The following OSBPL9 variants were observed in gnomAD, a reference collection of about 807,000 sequenced individuals.
The protein encoded by OSBPL9 is oxysterol-binding protein-related protein 9.
OSBPL9 carries 40 observed loss-of-function variants against 106.6 expected under a neutral mutation model. The observed-to-expected ratio is 0.38, with a 90% confidence interval of 0.29 to 0.49. The LOEUF is 0.49. Ranked by LOEUF, OSBPL9 falls within the 20% of genes least tolerant of loss-of-function variation. The probability of loss-of-function intolerance (pLI) is 0.97; values close to 1 mark genes in which losing one functional copy is unlikely to be tolerated. For synonymous variants in OSBPL9, 269 were observed against 295.4 expected, an observed-to-expected ratio of 0.91 and a Z score of 0.92; for missense variants, 609 against 887.2, an observed-to-expected ratio of 0.69 and a Z score of 3.98.
At chr1:51,524,600 G>A in the OSBPL9 span, among the ~76,000 whole-genome samples, 1 of 152,122 alleles carries the variant, frequency 6.6e-6, no homozygotes, top group Non-Finnish European at 1.5e-5. Context: ...CACAAAAATA[G>A]AAAATATTTT....
intron 2 of OSBPL9, among the ~76,000 whole-genome samples, chr1:51,665,424 A>G (rs1156679703): frequency 1.3e-5 from 2 of 152,222 alleles, no homozygotes; most frequent in Non-Finnish European, 2.9e-5. Context: ...GATTACAGGC[A>G]TGAGCCACTG....
chr1:51,543,053 G>C, the OSBPL9 span, among the ~76,000 whole-genome samples: 2 of 152,154 alleles, frequency 1.3e-5, no homozygotes, highest in Non-Finnish European at 1.5e-5. Flanking sequence ...GTGCCTATAA[G>C]AAACAGGATT....
At chr1:51,615,973 A>G (rs926472945), upstream of OSBPL9, among the ~76,000 whole-genome samples, 9 of 149,120 alleles carry the variant, frequency 6.0e-5, no homozygotes, top group Non-Finnish European at 1.3e-4. Context: ...AACAGTGCCT[A>G]GATATAGTAG....
chr1:51,617,336 G>T (rs567733374), intron 1 of OSBPL9, 115 bp downstream of exon 1: 4 of 1,023,734 alleles, frequency 3.9e-6, no homozygotes, highest in African/African-American at 1.6e-5. Flanking sequence ...GGGTGCCGCC[G>T]TACGCGAGGG....
At chr1:51,629,050 C>T (rs537565889) in intron 1 of OSBPL9, among the ~76,000 whole-genome samples, 3 of 152,210 alleles carry the variant, frequency 2.0e-5, no homozygotes, top group African/African-American at 7.2e-5. Context: ...GTTCTTGCCT[C>T]AGGGCCTCTG....
At chr1:51,746,421 A>T (rs1011926340) in intron 5 of OSBPL9, among the ~76,000 whole-genome samples, 2 of 152,244 alleles carry the variant, frequency 1.3e-5, no homozygotes, top group Non-Finnish European at 2.9e-5. Flanking sequence ...AAAGCAGAAA[A>T]AAAACTTCAA....
At chr1:51,525,602 G>T in the OSBPL9 span, among the ~76,000 whole-genome samples, 1 of 152,038 alleles carries the variant, frequency 6.6e-6, no homozygotes, top group Non-Finnish European at 1.5e-5. Context: ...AGTTCTGTCG[G>T]CTCGATCTCC....
rs571728910 is a variant in OSBPL9 at position 51,622,695 on chromosome 1, T to G, written c.111+5474T>G. Among the ~76,000 whole-genome samples the G allele has an allele frequency of 7.9e-5, 12 of 152,298 alleles. No homozygotes were observed. The South Asian group carries it at 2.5e-3, about 32-fold the overall frequency. ...CCAGGTAGCCTCTCCATTGAGCTGC[T>G]TAAGTGTCATCATGACAGAGCAGCT... On this transcript the variant is annotated intron_variant, in intron 1 of 23. Coordinates refer to ENST00000428468, the MANE Select transcript of OSBPL9 (RefSeq NM_024586.6).
At chr1:51,684,954 C>T (rs1653441968) in intron 3 of OSBPL9, among the ~76,000 whole-genome samples, 1 of 151,146 alleles carries the variant, frequency 6.6e-6, no homozygotes, top group Non-Finnish European at 1.5e-5. Context: ...CTCTGTCACC[C>T]AGGCTGGAAT....
In OSBPL9 at chr1:51,765,816, T is replaced by G; in HGVS notation, c.779-6T>G. 6.2e-7 allele frequency: 1 copy of G among 1,607,144 alleles called. No individual in the cohort carries two copies. Among genetic ancestry groups the G allele is most frequent in the Non-Finnish European group, 8.5e-7 (1 of 1,177,564 alleles). Reference sequence around the variant, plus strand: ...ATTTTTCTCTAAAACCCTTTTAACTTCCTAGGCAGTGGCCATTCACCACCG... The same window carrying G: ...ATTTTTCTCTAAAACCCTTTTAACTGCCTAGGCAGTGGCCATTCACCACCG... On this transcript the variant is annotated splice_polypyrimidine_tract_variant and splice_region_variant and intron_variant, in intron 11 of 23. Transcript: ENST00000428468.
At chr1:51,731,387 GTTGCGGTGAGCTATGA>G (rs1359002889) in intron 4 of OSBPL9, among the ~76,000 whole-genome samples, 2 of 152,082 alleles carry the variant, frequency 1.3e-5, no homozygotes, top group African/African-American at 4.8e-5. Flanking sequence ...GAAGTTTGAG[GTTGCGGTGAGCTATGA>G]TTGCACCGCT....
chr1:51,617,773 C>T (rs1308066455), intron 1 of OSBPL9, among the ~76,000 whole-genome samples: 1 of 152,282 alleles, frequency 6.6e-6, no homozygotes, highest in Non-Finnish European at 1.5e-5. Context: ...TTGTGTGTCT[C>T]ATTCAAGGGA....
chr1:51,560,642 C>A, the OSBPL9 span, among the ~76,000 whole-genome samples: 1 of 152,136 alleles, frequency 6.6e-6, no homozygotes, highest in East Asian at 1.9e-4. Flanking sequence ...GGGGAGGAGT[C>A]CTCCCCATCT....
At chr1:51,612,664 T>G (rs1483426406), upstream of OSBPL9, among the ~76,000 whole-genome samples, 1 of 152,248 alleles carries the variant, frequency 6.6e-6, no homozygotes. Flanking sequence ...GACCTGTGTT[T>G]TGACATTTGA....
At chr1:51,532,262 A>G in the OSBPL9 span, among the ~76,000 whole-genome samples, 2 of 152,340 alleles carry the variant, frequency 1.3e-5, no homozygotes, top group Non-Finnish European at 2.9e-5. Flanking sequence ...TACAGAGTCA[A>G]GAGAGGTTTC....
intron 17 of OSBPL9, among the ~76,000 whole-genome samples, 194 bp from the exon 18 acceptor site, chr1:51,783,721 G>A (rs1307512797): frequency 1.3e-5 from 2 of 152,132 alleles, no homozygotes; most frequent in African/African-American, 4.8e-5. Flanking sequence ...GGATGATCCT[G>A]CCCACGTGGC....
intron 1 of OSBPL9, among the ~76,000 whole-genome samples, chr1:51,641,987 A>G (rs1176929121): frequency 2.0e-5 from 3 of 152,194 alleles, no homozygotes; most frequent in Non-Finnish European, 2.9e-5. Flanking sequence ...GTAAGTGTCA[A>G]GTGGTTATAA....
At chr1:51,686,576 A>G (rs1457092445) in intron 3 of OSBPL9, among the ~76,000 whole-genome samples, 1 of 152,184 alleles carries the variant, frequency 6.6e-6, no homozygotes, top group Non-Finnish European at 1.5e-5. Context: ...CTTAGTGTAT[A>G]TCCATGTTGA....
At chr1:51,534,825 C>G in the OSBPL9 span, among the ~76,000 whole-genome samples, 1 of 152,174 alleles carries the variant, frequency 6.6e-6, no homozygotes, top group African/African-American at 2.4e-5. Context: ...TTGGGCAAGC[C>G]CCTTCTCTCC....
Sources: gnomAD v4.1 joint callset for allele counts (sites outside exome capture counted in the v4.1 genomes callset) on GRCh38, gnomAD v4.1.1 for gene constraint, MANE v1.5 for transcripts, NCBI Gene and HGNC (gene_info 2026-07-23, HGNC 2026-07-21) for gene names.